Variants in ULK2 observed in about 807,000 individuals in gnomAD.
ULK2 encodes unc-51 like autophagy activating kinase 2.
A neutral mutation model predicts 127.5 loss-of-function variants in ULK2; 76 were observed. The ratio of observed to expected loss-of-function variants is 0.60; its 90% confidence interval spans 0.50 to 0.72. ULK2 has a LOEUF of 0.72. Ranked by LOEUF, ULK2 falls within the 30% of genes least tolerant of loss-of-function variation. The pLI is 0.00. For synonymous variants in ULK2, 452 were observed against 461.9 expected (o/e 0.98, Z 0.28); for missense variants, 1,144 against 1,295.9 (o/e 0.88, Z 1.80).
At chr17:19,857,408 T>C (rs1290790062) in intron 3 of ULK2, among the ~76,000 whole-genome samples, 1 of 152,178 alleles carries the variant, frequency 6.6e-6, no homozygotes, top group Admixed American at 6.6e-5. Context: ...TTCCATCCCT[T>C]GGATTGTACA....
chr17:19,805,229 CAA>C (rs956313986), intron 14 of ULK2, among the ~76,000 whole-genome samples: 55 of 152,272 alleles, frequency 3.6e-4, no homozygotes, highest in African/African-American at 1.3e-3. Context: ...GGAATGTTTG[CAA>C]AAGTCATGAA....
At chr17:19,805,797 G>A (rs866512262) in intron 14 of ULK2, among the ~76,000 whole-genome samples, 3 of 152,188 alleles carry the variant, frequency 2.0e-5, no homozygotes, top group Middle Eastern at 3.4e-3. Flanking sequence ...CTGAAGACAC[G>A]TAACTTCCTT....
chr17:19,860,524 C>CT lies in ULK2; in HGVS notation c.225+4278dup, dbSNP rs34701817. On this transcript the variant is annotated intron_variant, in intron 3 of 26. Coordinates refer to ENST00000395544, the MANE Select transcript of ULK2 (RefSeq NM_014683.4). ...TACTTAAGACATTTGATTAATACCTCTTTTTTTTTTTTTTTTTGAGACGGA... is the reference window on the plus strand; with the variant it reads ...TACTTAAGACATTTGATTAATACCTCTTTTTTTTTTTTTTTTTTGAGACGGA... 4.7e-3 allele frequency among the ~76,000 whole-genome samples: 646 copies of CT among 138,124 alleles called. 14 individuals are homozygous for CT. The East Asian group carries it at 0.058, about 12-fold the overall frequency. The allele number at this position is 138,124 out of a possible 152,430, so 90.6% of individuals were successfully genotyped here. A position where few individuals can be genotyped will look rare whatever the true frequency, so the allele number is the denominator to read the frequency against.
intron 25 of ULK2, among the ~76,000 whole-genome samples, chr17:19,779,480 CA>C (rs1186090532): frequency 7.6e-6 from 1 of 131,206 alleles, no homozygotes; most frequent in East Asian, 2.4e-4. Flanking sequence ...TGCAGTGAGC[CA>C]AGATCATGCT....
rs773846475 is a variant in ULK2, at chr17:19,849,804, A to G, written c.226-30T>C. 3.6e-6 allele frequency: 5 copies of G among 1,391,948 alleles called. No individual in the cohort carries two copies. The South Asian group carries it at 4.1e-5, about 12-fold the overall frequency. The allele number at this position is 1,391,948 out of a possible 1,614,324, so 86.2% of individuals were successfully genotyped here. ...AAAGTAAACATATTAAATATCATTT[A>G]GAGAAAAATTAAACACAAAATTTAA... is the stretch of plus-strand genomic sequence containing the variant. On this transcript the variant is annotated intron_variant, in intron 3 of 26. Coordinates refer to ENST00000395544, the MANE Select transcript of ULK2 (RefSeq NM_014683.4).
At chr17:19,848,851 T>C (rs559624793) in intron 5 of ULK2, among the ~76,000 whole-genome samples, 1 of 152,268 alleles carries the variant, frequency 6.6e-6, no homozygotes, top group Non-Finnish European at 1.5e-5. Flanking sequence ...CCTACATGTA[T>C]GCATTTTGGG....
At position 19,816,173 on chromosome 17, in the gene ULK2, T is replaced by C. The variant is rs555127170; in HGVS notation, c.1096+576A>G. Among the ~76,000 whole-genome samples the C allele has an allele frequency of 3.9e-5, 6 of 152,368 alleles. No individual in the cohort carries two copies. The South Asian group carries it at 1.0e-3, about 26-fold the overall frequency. ...TATTAAAGTAATCAAATCTCTAGCTTTTCTGATACTATTCCTTCATGATCA... is the reference window on the plus strand; with the variant it reads ...TATTAAAGTAATCAAATCTCTAGCTCTTCTGATACTATTCCTTCATGATCA... On this transcript the variant is annotated intron_variant, in intron 13 of 26. Coordinates refer to ENST00000395544, the MANE Select transcript of ULK2 (RefSeq NM_014683.4).
At chr17:19,847,685 G>T (rs749924952) in intron 5 of ULK2, among the ~76,000 whole-genome samples, 4 of 152,112 alleles carry the variant, frequency 2.6e-5, no homozygotes, top group Admixed American at 6.6e-5. Context: ...AAGTAGCTGG[G>T]ACTACAGGCA....
At chr17:19,827,480 T>C (rs950162925) in intron 10 of ULK2, among the ~76,000 whole-genome samples, 4 of 152,216 alleles carry the variant, frequency 2.6e-5, no homozygotes, top group African/African-American at 9.7e-5. Context: ...GTATTACAAC[T>C]ATTACTACAG....
intron 3 of ULK2, among the ~76,000 whole-genome samples, chr17:19,850,228 A>G (rs1045191814): frequency 1.3e-5 from 2 of 152,116 alleles, no homozygotes; most frequent in African/African-American, 4.8e-5. Context: ...GGAATATATG[A>G]CTCAGGACGC....
intron 10 of ULK2, among the ~76,000 whole-genome samples, chr17:19,827,111 T>A (rs1282888132): frequency 6.6e-6 from 1 of 152,196 alleles, no homozygotes; most frequent in Non-Finnish European, 1.5e-5. Context: ...TCCAACTACA[T>A]GAACTTAATT....
At chr17:19,856,776 T>C (rs1356653571) in intron 3 of ULK2, among the ~76,000 whole-genome samples, 2 of 149,548 alleles carry the variant, frequency 1.3e-5, no homozygotes, top group Admixed American at 6.7e-5. Flanking sequence ...ATCGAGACCA[T>C]CCTGGCTAAC....
At position 19,854,097 on chromosome 17, in the gene ULK2, G is replaced by A. The variant is rs568003958; in HGVS notation, c.226-4323C>T. Among the ~76,000 whole-genome samples, 9 of 152,066 alleles carry A rather than the reference G, an allele frequency of 5.9e-5. No homozygotes were observed. In the East Asian group the frequency reaches 9.7e-4, roughly 16 times the overall value. ...AGTTTGAGACCAGCCCGGCCAACAC[G>A]GTGAAACCCATCTCTACTAAAAACA... is the stretch of plus-strand genomic sequence containing the variant. On this transcript the variant is annotated intron_variant, in intron 3 of 26. Transcript: ENST00000395544.
rs57619378 is a variant in ULK2 at position 19,778,513 on chromosome 17, A to T, written c.2917-797T>A. On this transcript the variant is annotated intron_variant, in intron 25 of 26. Coordinates refer to ENST00000395544, the MANE Select transcript of ULK2 (RefSeq NM_014683.4). ...TATTCACAGGGGTTTCCCCATCGAC[A>T]TTCTGATTTTCTCTTTGATCATTAA... Among the ~76,000 whole-genome samples the T allele has an allele frequency of 4.7e-3, 715 of 152,340 alleles. 23 individuals carry two copies. In the East Asian group the frequency reaches 0.086, roughly 18 times the overall value.
intron 18 of ULK2, 69 bp downstream of exon 18, chr17:19,797,327 C>G: frequency 6.9e-7 from 1 of 1,456,760 alleles, no homozygotes; most frequent in Non-Finnish European, 9.2e-7. Context: ...TATAGCTATT[C>G]TCATAATGAA....
chr17:19,801,287 G>A (rs2087391279), intron 16 of ULK2, among the ~76,000 whole-genome samples: 2 of 152,144 alleles, frequency 1.3e-5, no homozygotes, highest in Admixed American at 1.3e-4. Flanking sequence ...TCAAAAAGAA[G>A]TTGGGGCCGG....
chr17:19,847,268 T>C (rs556916124), intron 5 of ULK2, among the ~76,000 whole-genome samples: 1 of 152,280 alleles, frequency 6.6e-6, no homozygotes, highest in Non-Finnish European at 1.5e-5. Flanking sequence ...GTTCCCTTCA[T>C]ATTAGTCAAA....
Position 19,774,424 on chromosome 17 carries a change from G to C in ULK2, c.*1925C>G, listed in dbSNP as rs1008949403. 3.3e-5 allele frequency: 5 copies of C among 152,076 alleles called. No individual in the cohort carries two copies. The highest frequency in any genetic ancestry group is 1.2e-4 in the African/African-American group (5 of 41,388). The allele number at this position is 152,076 out of a possible 1,614,324, so 9.4% of individuals were successfully genotyped here. ...CCAATCACTTCCCCTCTCTGAACCTGTTTCATCCTGTCTTAAAAAAGAAAT... is the reference window on the plus strand; with the variant it reads ...CCAATCACTTCCCCTCTCTGAACCTCTTTCATCCTGTCTTAAAAAAGAAAT... On this transcript the variant is annotated 3_prime_UTR_variant, in exon 27 of 27. Coordinates refer to ENST00000395544, the MANE Select transcript of ULK2 (RefSeq NM_014683.4).
At chr17:19,780,310 A>G (rs537491960) in intron 25 of ULK2, among the ~76,000 whole-genome samples, 162 bp downstream of exon 25, 1 of 152,390 alleles carries the variant, frequency 6.6e-6, no homozygotes, top group East Asian at 1.9e-4. Context: ...AATGACATTA[A>G]CAGTTGCTTA....
Sources: gnomAD v4.1 joint callset for allele counts (sites outside exome capture counted in the v4.1 genomes callset) on GRCh38, gnomAD v4.1.1 for gene constraint, MANE v1.5 for transcripts, NCBI Gene and HGNC (gene_info 2026-07-23, HGNC 2026-07-21) for gene names.